The following MAN1A1 variants were observed in gnomAD, a reference collection of about 807,000 sequenced individuals.
The protein encoded by MAN1A1 is mannosidase alpha class 1A member 1.
In MAN1A1, 29 loss-of-function variants were observed where a neutral mutation model predicts 70.8. The observed-to-expected ratio is 0.41, with a 90% confidence interval of 0.31 to 0.56. The LOEUF is 0.56. MAN1A1 is among the 20% of genes least tolerant of loss of function. The pLI is 0.29. For missense variants in MAN1A1, 747 were observed against 841.3 expected, an observed-to-expected ratio of 0.89 and a Z score of 1.39; for synonymous variants, 349 against 330.1, an observed-to-expected ratio of 1.06 and a Z score of -0.62.
chr6:119,345,191 A>AG (rs1309338082), intron 2 of MAN1A1, among the ~76,000 whole-genome samples: 29 of 60,680 alleles, frequency 4.8e-4, no homozygotes, highest in East Asian at 2.8e-3. Context: ...GGAGAGGTTG[A>AG]GGGGGGGGCG....
At chr6:119,236,500 C>T (rs902943420) in intron 6 of MAN1A1, among the ~76,000 whole-genome samples, 7 of 151,942 alleles carry the variant, frequency 4.6e-5, no homozygotes, top group South Asian at 2.1e-4. Context: ...TTGCTGGTGT[C>T]GAACTCCTGA....
chr6:119,293,063 A>G (rs1210770338), intron 4 of MAN1A1, among the ~76,000 whole-genome samples: 5 of 151,992 alleles, frequency 3.3e-5, no homozygotes, highest in Non-Finnish European at 5.9e-5. Flanking sequence ...AGTTTCCCAC[A>G]TTTCTGCCTA....
intron 11 of MAN1A1, among the ~76,000 whole-genome samples, chr6:119,186,335 T>A (rs1331612810): frequency 6.6e-6 from 1 of 152,032 alleles, no homozygotes; most frequent in African/African-American, 2.4e-5. Flanking sequence ...TGCGTTCCCT[T>A]AAAAATAAAG....
At chr6:119,235,370 T>C (rs984327932) in intron 6 of MAN1A1, among the ~76,000 whole-genome samples, 1 of 152,182 alleles carries the variant, frequency 6.6e-6, no homozygotes, top group Non-Finnish European at 1.5e-5. Context: ...GCCTTATGGC[T>C]ATATGGAGAA....
In MAN1A1 at chr6:119,179,817, T is replaced by A. The variant is rs780317362; in HGVS notation, c.*2A>T. ...GAGCAGAATAAAATATAAAATGTCTTTTTATTCCTCTCTGATTTCAACTTC... is the reference window on the plus strand; with the variant it reads ...GAGCAGAATAAAATATAAAATGTCTATTTATTCCTCTCTGATTTCAACTTC... On this transcript the variant is annotated 3_prime_UTR_variant, in exon 13 of 13. Transcript: ENST00000368468. 3 of 1,611,190 alleles carry A rather than the reference T, an allele frequency of 1.9e-6. No homozygotes were observed. The African/African-American group carries it at 4.0e-5, about 22-fold the overall frequency.
chr6:119,195,223 G>A (rs1018072094), intron 8 of MAN1A1, among the ~76,000 whole-genome samples: 8 of 152,062 alleles, frequency 5.3e-5, no homozygotes, highest in Non-Finnish European at 7.4e-5. Context: ...CCCTTTACTC[G>A]AAGCCTTTCA....
chr6:119,249,058 T>C (rs1416400487), intron 5 of MAN1A1, among the ~76,000 whole-genome samples: 1 of 152,130 alleles, frequency 6.6e-6, no homozygotes, highest in Non-Finnish European at 1.5e-5. Context: ...AGATGGCATT[T>C]AGATGAGAAC....
chr6:119,245,234 T>C (rs1186555482), intron 6 of MAN1A1, among the ~76,000 whole-genome samples: 1 of 152,148 alleles, frequency 6.6e-6, no homozygotes, highest in Non-Finnish European at 1.5e-5. Flanking sequence ...TTTCTTCTCC[T>C]GGGCAGCTTT....
intron 6 of MAN1A1, among the ~76,000 whole-genome samples, chr6:119,232,679 A>ATGTG (rs78960133): frequency 0.055 from 7,852 of 143,424 alleles, 236 homozygotes; most frequent in Non-Finnish European, 0.074. Flanking sequence ...ACACATATAT[A>ATGTG]TGTGTGTGTG....
chr6:119,314,742 A>C (rs1483314725), intron 2 of MAN1A1, among the ~76,000 whole-genome samples: 1 of 152,124 alleles, frequency 6.6e-6, no homozygotes, highest in Admixed American at 6.6e-5. Context: ...ACACATGCCG[A>C]ATCAGGACTG....
At position 119,336,306 on chromosome 6, in the gene MAN1A1, G is replaced by A. The variant is rs146297930; in HGVS notation, c.603+12157C>T. ...GCTGGTCTTGAATTCCTGGCCTCAA[G>A]TGATCCTCCCTTCGGCCTCCCAAAG... On this transcript the variant is annotated intron_variant, in intron 2 of 12. Transcript: ENST00000368468. Among the ~76,000 whole-genome samples the A allele has an allele frequency of 1.2e-3, 182 of 152,270 alleles. 3 individuals are homozygous for A. Among genetic ancestry groups the A allele is most frequent in the Middle Eastern group, 0.01 (3 of 294 alleles).
At chr6:119,224,302 C>A (rs576307701) in intron 6 of MAN1A1, among the ~76,000 whole-genome samples, 2 of 152,196 alleles carry the variant, frequency 1.3e-5, no homozygotes, top group Non-Finnish European at 2.9e-5. Flanking sequence ...TGAATCCATG[C>A]TCTACTCAGG....
At chr6:119,267,832 C>T (rs56320899) in intron 5 of MAN1A1, among the ~76,000 whole-genome samples, 8,124 of 152,274 alleles carry the variant, frequency 0.053, 294 homozygotes, top group African/African-American at 0.096. Context: ...TTTTAAACCA[C>T]AGGCATCTCA....
At chr6:119,248,089 G>A (rs1436620223) in intron 6 of MAN1A1, among the ~76,000 whole-genome samples, 171 bp downstream of exon 6, 5 of 152,132 alleles carry the variant, frequency 3.3e-5, no homozygotes, top group Non-Finnish European at 7.3e-5. Context: ...CTGAGGCTAT[G>A]GAACACTGAA....
At position 119,189,846 on chromosome 6, in the gene MAN1A1, C is replaced by A; in HGVS notation, c.1364G>T (p.Gly455Val). 1 of 1,614,054 alleles carries A rather than the reference C, an allele frequency of 6.2e-7. No individual in the cohort carries two copies. Among genetic ancestry groups the A allele is most frequent in the African/African-American group, 1.3e-5 (1 of 75,018 alleles). Residue 455 changes from glycine (G) to valine (V), a missense_variant, in exon 10 of 13, where the codon GGA (glycine) becomes GTA (valine). Around this residue, in one of 2 missense-constraint regions of MAN1A1, gnomAD observed 419 missense variants for 548.2 expected, o/e 0.76. Transcript: ENST00000368468. ...ETHLIRKSSS[G>V]LTYIAEWKGG... ...TTTCCACTCTGCGATATAAGTTAGT[C>A]CGCTGCTAGACTTGCGGATCAAATG... is the stretch of plus-strand genomic sequence containing the variant.
In MAN1A1 at chr6:119,246,476, G is replaced by A. The variant is rs577899623; in HGVS notation, c.992+1784C>T. On this transcript the variant is annotated intron_variant, in intron 6 of 12. Coordinates refer to ENST00000368468, the MANE Select transcript of MAN1A1 (RefSeq NM_005907.4). ...CCAAAATGTTCACAAAGTAACTACT[G>A]AGTTCACCTACCTTCCTGGTTACAA... Among the ~76,000 whole-genome samples the A allele has an allele frequency of 1.3e-4, 20 of 152,240 alleles. No homozygotes were observed. In the South Asian group the frequency reaches 2.1e-3, roughly 16 times the overall value.
chr6:119,335,373 G>C (rs563343032), intron 2 of MAN1A1, among the ~76,000 whole-genome samples: 43 of 152,262 alleles, frequency 2.8e-4, no homozygotes, highest in Middle Eastern at 6.8e-3. Context: ...CTCTGAAAAA[G>C]AGGAATTATT....
At chr6:119,220,144 C>A (rs1774319169) in intron 6 of MAN1A1, among the ~76,000 whole-genome samples, 1 of 152,056 alleles carries the variant, frequency 6.6e-6, no homozygotes, top group East Asian at 1.9e-4. Flanking sequence ...CCATAGAAAT[C>A]TTTCTTCTGC....
chr6:119,211,819 T>G (rs999825226), intron 6 of MAN1A1, among the ~76,000 whole-genome samples: 4 of 152,038 alleles, frequency 2.6e-5, no homozygotes, highest in Admixed American at 6.6e-5. Context: ...CTTATCTTTT[T>G]TTTTTAAATG....
Sources: allele counts gnomAD v4.1 joint callset (sites outside exome capture counted in the v4.1 genomes callset), GRCh38; gene constraint gnomAD v4.1.1; regional missense constraint gnomAD v4.1.1; transcripts MANE v1.5; gene names NCBI Gene and HGNC (gene_info 2026-07-23, HGNC 2026-07-21).